CGN: variants seen among roughly 807,000 people sequenced by gnomAD.
CGN encodes cingulin.
CGN carries 121 observed loss-of-function variants against 157.1 expected under a neutral mutation model. That is an observed-to-expected ratio of 0.77 (90% CI 0.66 to 0.90). CGN has a LOEUF of 0.90. Among genes scored for constraint, CGN ranks in the 40% least tolerant of loss-of-function variants. CGN has a pLI of 0.00. For synonymous variants in CGN, 535 were observed against 607.5 expected, an observed-to-expected ratio of 0.88 and a Z score of 1.76; for missense variants, 1,424 against 1,520.9, an observed-to-expected ratio of 0.94 and a Z score of 1.06.
chr1:151,522,055 A>T (rs900777968), intron 5 of CGN, among the ~76,000 whole-genome samples: 10 of 151,842 alleles, frequency 6.6e-5, no homozygotes, highest in Admixed American at 6.6e-4. Flanking sequence ...AGGTGGGAGG[A>T]CCACTTGAAC....
intron 15 of CGN, 66 bp downstream of exon 15, chr1:151,534,202 G>A: frequency 5.6e-6 from 8 of 1,438,138 alleles, no homozygotes; most frequent in East Asian, 2.6e-5. Flanking sequence ...CTGTACTAGC[G>A]GTCAAAACCG....
rs979886120 is a variant in CGN at position 151,511,686 on chromosome 1, C to T, written c.-15+171C>T. ...GCGGGGTGGGGTACTGATTAAGAGCCGACCCCTACCCTGAGGTGCCAGATG... is the reference window on the plus strand; with the variant it reads ...GCGGGGTGGGGTACTGATTAAGAGCTGACCCCTACCCTGAGGTGCCAGATG... On this transcript the variant is annotated intron_variant, in intron 1 of 20. Coordinates refer to ENST00000271636, the MANE Select transcript of CGN (RefSeq NM_020770.3). This position sits in a 1 kb window ranked among gnomAD's most constrained non-coding sequence, Gnocchi z 4.8. 6.6e-6 allele frequency among the ~76,000 whole-genome samples: 1 copy of T among 152,130 alleles called. No homozygotes were observed. The highest frequency in any genetic ancestry group is 1.5e-5 in the Non-Finnish European group (1 of 68,014).
Position 151,527,029 on chromosome 1 carries a change from G to A in CGN, c.1818G>A (p.Lys606=), listed in dbSNP as rs1664697694. Residue 606 remains lysine, a synonymous_variant, in exon 10 of 21, where the codon AAG becomes AAA. Coordinates refer to ENST00000271636, the MANE Select transcript of CGN (RefSeq NM_020770.3). The part of the protein sequence containing the change: ...KEEMEEELGE[K]IEVLQRELEQ... Reference sequence around the variant, plus strand: ...AGATGGAAGAGGAGCTTGGAGAGAAGATAGAGGTCTTGCAGAGGGAATTAG... The same window carrying A: ...AGATGGAAGAGGAGCTTGGAGAGAAAATAGAGGTCTTGCAGAGGGAATTAG... The A allele has an allele frequency of 6.2e-7, 1 of 1,614,090 alleles. No homozygotes were observed. Among genetic ancestry groups the A allele is most frequent in the Non-Finnish European group, 8.5e-7 (1 of 1,180,040 alleles).
rs1279112245 is a variant in CGN at position 151,530,612 on chromosome 1, G to A, written c.2437G>A (p.Gly813Arg). The change falls in exon 13 of 21, where the codon GGG (glycine) becomes AGG (arginine). Residue 813 changes from glycine (G) to arginine (R), a missense_variant. Physicochemically the swap from Gly to Arg is moderately radical, Grantham distance 125 (BLOSUM62 -2). Transcript: ENST00000271636. ...GGCTCAGCGGGGGCTGGCCCGCCTG[G>A]GGCAGGAGCAGCAGACACTGAACCG... The part of the protein sequence containing the change: ...EEAQRGLARL[G>R]QEQQTLNRAL... The A allele has an allele frequency of 6.2e-7, 1 of 1,610,916 alleles. No homozygotes were observed. The highest frequency in any genetic ancestry group is 1.3e-5 in the African/African-American group (1 of 74,878).
At chr1:151,533,233 G>A (rs922630086) in intron 14 of CGN, among the ~76,000 whole-genome samples, 5 of 151,898 alleles carry the variant, frequency 3.3e-5, no homozygotes, top group South Asian at 2.1e-4. Context: ...ATCCCAGCAC[G>A]TTGGGAGGCT....
At position 151,518,546 on chromosome 1, in the gene CGN, GC is replaced by G; in HGVS notation, c.31del (p.Arg11GlyfsTer4). On this transcript the variant is annotated frameshift_variant, in exon 2 of 21. Transcript: ENST00000271636. LOFTEE classifies it high-confidence loss of function. ...TGGAGCAGGCACCCAACATGGCTGA[GC>G]CCCGGGGCCCCGTAGACCATGGAGT... MEQAPNMAE[P>X]RGPVDHGVQI... The G allele has an allele frequency of 6.2e-7, 1 of 1,609,932 alleles. No individual in the cohort carries two copies. Among genetic ancestry groups the G allele is most frequent in the Non-Finnish European group, 8.5e-7 (1 of 1,176,552 alleles).
intron 1 of CGN, among the ~76,000 whole-genome samples, chr1:151,514,186 T>G (rs1170682595): frequency 1.3e-5 from 2 of 150,808 alleles, no homozygotes; most frequent in African/African-American, 4.9e-5. Flanking sequence ...GGACTGAAGG[T>G]GATTGAGGTT....
At chr1:151,530,248 C>T (rs1304535872) in intron 12 of CGN, 133 bp downstream of exon 12, 3 of 1,073,696 alleles carry the variant, frequency 2.8e-6, no homozygotes, top group Non-Finnish European at 4.0e-6. Context: ...CTCTGTTAAC[C>T]TTGGGTTTAT....
intron 5 of CGN, among the ~76,000 whole-genome samples, chr1:151,521,590 A>G (rs1664543052): frequency 6.6e-6 from 1 of 152,188 alleles, no homozygotes; most frequent in South Asian, 2.1e-4. Context: ...CACACCTGTA[A>G]TCCTTTGGGA....
At chr1:151,525,537 A>C (rs975845985) in intron 8 of CGN, 105 bp from the exon 9 acceptor site, 1 of 862,398 alleles carries the variant, frequency 1.2e-6, no homozygotes, top group East Asian at 3.2e-5. Context: ...TGCACCTGGC[A>C]TGGTGCCCTC....
Position 151,524,391 on chromosome 1 carries a change from C to A in CGN, c.1401+33C>A. On this transcript the variant is annotated intron_variant, in intron 7 of 20. Transcript: ENST00000271636. This position sits in a 1 kb window ranked among gnomAD's most constrained non-coding sequence, Gnocchi z 4.4. ...CTGGGGTCATATGCCCCAGCCTCTG[C>A]TTTTTCTCAGTTGGAGCATCCTCAA... 3 of 1,608,320 alleles carry A rather than the reference C, an allele frequency of 1.9e-6. No homozygotes were observed. Among genetic ancestry groups the A allele is most frequent in the Non-Finnish European group, 2.5e-6 (3 of 1,177,146 alleles).
intron 8 of CGN, among the ~76,000 whole-genome samples, chr1:151,525,406 A>C (rs1664649320): frequency 6.6e-6 from 1 of 152,028 alleles, no homozygotes. Context: ...CCCCCTAAAA[A>C]TAAAAAGTCC....
intron 1 of CGN, among the ~76,000 whole-genome samples, chr1:151,512,174 G>T (rs1664315469): frequency 6.6e-6 from 1 of 151,622 alleles, no homozygotes; most frequent in Admixed American, 6.6e-5. Flanking sequence ...AGGGAGAATC[G>T]TTCCTTCTTC....
Position 151,519,058 on chromosome 1 carries a change from C to G in CGN, c.539C>G (p.Ser180Ter). Residue 180 changes from serine to a stop codon, truncating the protein, a stop_gained, in exon 2 of 21, where the codon TCA becomes TGA. Transcript: ENST00000271636. LOFTEE classifies it high-confidence loss of function. The part of the protein sequence containing the change: ...IDTAPLSSVD[S>*]LINKFDSQLG... ...ACTGCTCCCCTGTCTTCAGTGGACTCACTCATCAACAAGTTTGACAGTCAA... is the reference window on the plus strand; with the variant it reads ...ACTGCTCCCCTGTCTTCAGTGGACTGACTCATCAACAAGTTTGACAGTCAA... 6.2e-7 allele frequency: 1 copy of G among 1,614,130 alleles called. No homozygotes were observed. Among genetic ancestry groups the G allele is most frequent in the East Asian group, 2.2e-5 (1 of 44,886 alleles).
rs1483470985 is a variant in CGN at position 151,538,346 on chromosome 1, A to G, written c.*1000A>G. On this transcript the variant is annotated 3_prime_UTR_variant, in exon 21 of 21. Transcript: ENST00000271636. The stretch of plus-strand genomic sequence containing the variant: ...CCAACTTCAATAAGAGAACCAAGGG[A>G]CCCTCATTTTCTGAGGTGCTTGGCT... 1 of 152,162 alleles carries G rather than the reference A, an allele frequency of 6.6e-6. No homozygotes were observed. Among genetic ancestry groups the G allele is most frequent in the African/African-American group, 2.4e-5 (1 of 41,424 alleles). 9.4% of individuals were successfully genotyped at this position (152,162 alleles called of 1,614,324 possible).
At position 151,514,084 on chromosome 1, in the gene CGN, C is replaced by T. The variant is rs115164833; in HGVS notation, c.-15+2569C>T. Among the ~76,000 whole-genome samples the T allele has an allele frequency of 2.4e-3, 367 of 152,312 alleles. 2 individuals are homozygous for T. The highest frequency in any genetic ancestry group is 8.3e-3 in the African/African-American group (345 of 41,566). Reference sequence around the variant, plus strand: ...TCTGTAACCAAAGGCGGGTAGGTTTCGGGTTTTCCATGTTGAATCATTTAG... The same window carrying T: ...TCTGTAACCAAAGGCGGGTAGGTTTTGGGTTTTCCATGTTGAATCATTTAG... On this transcript the variant is annotated intron_variant, in intron 1 of 20. Coordinates refer to ENST00000271636, the MANE Select transcript of CGN (RefSeq NM_020770.3).
In CGN at chr1:151,520,742, C is replaced by G. The variant is rs188398781; in HGVS notation, c.1140+51C>G. ...GGCATGAAGGAAAACAGGGAAAAAG[C>G]CTTGGCCTGGAGATGGGCTGAGCTG... On this transcript the variant is annotated intron_variant, in intron 5 of 20. Transcript: ENST00000271636. The G allele has an allele frequency of 6.7e-6, 10 of 1,498,424 alleles. No homozygotes were observed. In the African/African-American group the frequency reaches 1.2e-4, roughly 19 times the overall value. The allele number at this position is 1,498,424 out of a possible 1,614,324, so 92.8% of individuals were successfully genotyped here. A position where few individuals can be genotyped will look rare whatever the true frequency, so the allele number is the denominator to read the frequency against.
At chr1:151,535,218 C>CATCATCTG in intron 16 of CGN, 87 bp downstream of exon 16, 1 of 1,010,156 alleles carries the variant, frequency 9.9e-7, no homozygotes, top group Non-Finnish European at 1.5e-6. Flanking sequence ...TCCCATCTTT[C>CATCATCTG]ATCATCTGGC....
intron 9 of CGN, among the ~76,000 whole-genome samples, chr1:151,526,618 C>T (rs986902639): frequency 6.6e-6 from 1 of 151,968 alleles, no homozygotes; most frequent in Admixed American, 6.6e-5. Flanking sequence ...GGACTATAGG[C>T]ATGCACCACC....
Sources: allele counts gnomAD v4.1 joint callset (sites outside exome capture counted in the v4.1 genomes callset), GRCh38; gene constraint gnomAD v4.1.1; non-coding constraint Gnocchi (gnomAD v3.1); transcripts MANE v1.5; gene names NCBI Gene and HGNC (gene_info 2026-07-23, HGNC 2026-07-21).